Variants in ATP6V1A observed in about 807,000 individuals in gnomAD.
ATP6V1A encodes the protein ATPase H+ transporting V1 subunit A, also known as V-type proton ATPase catalytic subunit A.
ATP6V1A carries 18 observed loss-of-function variants against 70.1 expected under a neutral mutation model. That is an observed-to-expected ratio of 0.26 (90% CI 0.18 to 0.38). ATP6V1A has a LOEUF of 0.38. Among genes scored for constraint, ATP6V1A ranks in the 10% least tolerant of loss-of-function variants. The probability of loss-of-function intolerance (pLI) is 1.00; values close to 1 mark genes in which losing one functional copy is unlikely to be tolerated. For synonymous variants in ATP6V1A, 232 were observed against 253.8 expected (o/e 0.91, Z 0.82); for missense variants, 424 against 772.4 (o/e 0.55, Z 5.35).
intron 1 of ATP6V1A, among the ~76,000 whole-genome samples, chr3:113,762,640 C>T (rs1208680374): frequency 3.9e-5 from 6 of 152,102 alleles, no homozygotes; most frequent in African/African-American, 1.4e-4. Context: ...CCAGTCATTG[C>T]AGTGCTAATA....
intron 14 of ATP6V1A, 95 bp downstream of exon 14, chr3:113,805,620 G>A (rs1668395040): frequency 1.6e-6 from 2 of 1,246,600 alleles, no homozygotes; most frequent in East Asian, 2.5e-5. Context: ...CGAGGCTGGA[G>A]TGCAGTGGCA....
At chr3:113,788,495 G>A (rs528902993) in intron 6 of ATP6V1A, among the ~76,000 whole-genome samples, 5 of 151,328 alleles carry the variant, frequency 3.3e-5, no homozygotes, top group East Asian at 3.9e-4. Flanking sequence ...CCACATGCCC[G>A]GCTAATTTTT....
Position 113,805,401 on chromosome 3 carries a change from C to T in ATP6V1A, c.1637C>T (p.Ala546Val), listed in dbSNP as rs571817807. The T allele has an allele frequency of 5.4e-5, 87 of 1,614,096 alleles. 1 individual carries two copies. In the South Asian group the frequency reaches 8.9e-4, roughly 17 times the overall value. The change falls in exon 14 of 15, where the codon GCA becomes GTA. Residue 546 changes from alanine to valine, a missense_variant. Physicochemically the swap from Ala to Val is moderately conservative, Grantham distance 64 (BLOSUM62 0). Around this residue, in one of 9 missense-constraint regions of ATP6V1A, gnomAD observed 127 missense variants for 207.9 expected, o/e 0.61. Coordinates refer to ENST00000273398, the MANE Select transcript of ATP6V1A (RefSeq NM_001690.4). ...KTVGMLSNMI[A>V]FYDMARRAVE... is the part of the protein sequence containing the mutation. Reference sequence around the variant, plus strand: ...GTAGGGATGCTGTCCAACATGATTGCATTTTATGATATGGCTCGTAGAGCT... The same window carrying T: ...GTAGGGATGCTGTCCAACATGATTGTATTTTATGATATGGCTCGTAGAGCT...
intron 12 of ATP6V1A, 35 bp downstream of exon 12, chr3:113,798,481 G>T: frequency 1.2e-6 from 2 of 1,604,472 alleles, no homozygotes; most frequent in South Asian, 2.2e-5. Context: ...ATAGATCTGT[G>T]GGTTACACTG....
intron 8 of ATP6V1A, 50 bp downstream of exon 8, chr3:113,789,890 A>T (rs1037956394): frequency 2.8e-6 from 4 of 1,409,946 alleles, no homozygotes; most frequent in Non-Finnish European, 4.0e-6. Context: ...CTTAAGTGTA[A>T]AGCTAGCACC....
At chr3:113,749,619 T>A (rs928910402) in intron 1 of ATP6V1A, among the ~76,000 whole-genome samples, 1 of 152,148 alleles carries the variant, frequency 6.6e-6, no homozygotes, top group Non-Finnish European at 1.5e-5. Context: ...ACTTCTAGCA[T>A]TGTATTTAAT....
At chr3:113,764,150 T>C (rs574016514) in intron 1 of ATP6V1A, among the ~76,000 whole-genome samples, 1 of 152,180 alleles carries the variant, frequency 6.6e-6, no homozygotes, top group South Asian at 2.1e-4. Context: ...AGGAGATTGC[T>C]TTAGCCCAAG....
chr3:113,762,450 C>A (rs1050715861), intron 1 of ATP6V1A, among the ~76,000 whole-genome samples: 2 of 152,094 alleles, frequency 1.3e-5, no homozygotes, highest in African/African-American at 4.8e-5. Flanking sequence ...TACCTGTAAT[C>A]CCAGCTACTC....
chr3:113,793,282 C>G (rs572615169), intron 8 of ATP6V1A, among the ~76,000 whole-genome samples: 1 of 152,062 alleles, frequency 6.6e-6, no homozygotes, highest in Non-Finnish European at 1.5e-5. Context: ...AGGCTGGTCT[C>G]GAACTCCTGA....
At chr3:113,764,187 C>G (rs1426511073) in intron 1 of ATP6V1A, among the ~76,000 whole-genome samples, 1 of 151,740 alleles carries the variant, frequency 6.6e-6, no homozygotes, top group Non-Finnish European at 1.5e-5. Flanking sequence ...GAGCCTTGAT[C>G]GCACCACTGT....
intron 1 of ATP6V1A, among the ~76,000 whole-genome samples, chr3:113,755,657 TATATA>T (rs1386106431): frequency 6.6e-6 from 1 of 152,182 alleles, no homozygotes; most frequent in Non-Finnish European, 1.5e-5. Context: ...TTAGGTGCAA[TATATA>T]ATAGTTTTAC....
At chr3:113,787,296 A>G (rs972286158) in intron 6 of ATP6V1A, among the ~76,000 whole-genome samples, 1 of 152,202 alleles carries the variant, frequency 6.6e-6, no homozygotes, top group Non-Finnish European at 1.5e-5. Flanking sequence ...TTTAGTCCCA[A>G]ACTCCATGCC....
intron 1 of ATP6V1A, among the ~76,000 whole-genome samples, chr3:113,760,262 A>G (rs1378501162): frequency 6.6e-6 from 1 of 152,186 alleles, no homozygotes; most frequent in Non-Finnish European, 1.5e-5. Flanking sequence ...CTTAGGCAGC[A>G]TTCTTTTCTT....
In ATP6V1A at chr3:113,809,424, T is replaced by A; in HGVS notation, c.1851T>A (p.Asp617Glu). Reference sequence around the variant, plus strand: ...AGAATGCATTCCGTAGCCTTGAAGATTAGAAGCCTTGAAGATTACAACTGT... The same window carrying A: ...AGAATGCATTCCGTAGCCTTGAAGAATAGAAGCCTTGAAGATTACAACTGT... ...DMQNAFRSLE[D>E] Residue 617 changes from aspartate (D) to glutamate (E), a missense_variant, in exon 15 of 15, where the codon GAT (aspartate) becomes GAA (glutamate). Coordinates refer to ENST00000273398, the MANE Select transcript of ATP6V1A (RefSeq NM_001690.4). The A allele has an allele frequency of 6.2e-7, 1 of 1,612,466 alleles. No individual in the cohort carries two copies. The highest frequency in any genetic ancestry group is 1.1e-5 in the South Asian group (1 of 91,042).
At position 113,794,936 on chromosome 3, in the gene ATP6V1A, C is replaced by G. The variant is rs1409987331; in HGVS notation, c.1053C>G (p.Thr351=). ...ATGTCAGTATGATGGCTGACTCTAC[C>G]TCTAGATGGGCTGAGGCCCTTAGAG... ...GYHVSMMADS[T]SRWAEALREI... Residue 351 remains threonine (T), a synonymous_variant, in exon 9 of 15, where the codon ACC becomes ACG. Coordinates refer to ENST00000273398, the MANE Select transcript of ATP6V1A (RefSeq NM_001690.4). The G allele has an allele frequency of 1.1e-5, 17 of 1,614,120 alleles. No individual in the cohort carries two copies. The highest frequency in any genetic ancestry group is 1.3e-5 in the African/African-American group (1 of 75,058).
intron 1 of ATP6V1A, among the ~76,000 whole-genome samples, chr3:113,767,486 C>T (rs1050649899): frequency 6.6e-6 from 1 of 152,124 alleles, no homozygotes; most frequent in Non-Finnish European, 1.5e-5. Context: ...TGATATAATA[C>T]GCACTTTGAG....
chr3:113,778,539 C>T (rs12631232), intron 1 of ATP6V1A, among the ~76,000 whole-genome samples: 4 of 151,986 alleles, frequency 2.6e-5, no homozygotes, highest in African/African-American at 7.2e-5. Context: ...TACCACCACA[C>T]TCCAGCCTGG....
At chr3:113,795,017 AT>A (rs1470407388) in intron 9 of ATP6V1A, 23 bp downstream of exon 9, 1 of 1,613,380 alleles carries the variant, frequency 6.2e-7, no homozygotes, top group Non-Finnish European at 8.5e-7. Flanking sequence ...ATTGCTTATC[AT>A]GTAAACAAGA....
At chr3:113,752,208 TTTCAGATGTGCTTGAGCAA>T (rs1172312951) in intron 1 of ATP6V1A, among the ~76,000 whole-genome samples, 4 of 151,828 alleles carry the variant, frequency 2.6e-5, no homozygotes, top group African/African-American at 9.7e-5. Context: ...TATAGAAGAG[TTTCAGATGTGCTTGAGCAA>T]TGAAAAGCAA....
Sources: gnomAD v4.1 joint callset for allele counts (sites outside exome capture counted in the v4.1 genomes callset) on GRCh38, gnomAD v4.1.1 for gene constraint, gnomAD v4.1.1 regional missense constraint, MANE v1.5 for transcripts, NCBI Gene and HGNC (gene_info 2026-07-23, HGNC 2026-07-21) for gene names.